Variants in EZH2 observed in about 807,000 individuals in gnomAD.
EZH2 encodes enhancer of zeste 2 polycomb repressive complex 2 subunit, also known as histone-lysine N-methyltransferase EZH2.
In EZH2, 18 loss-of-function variants were observed where a neutral mutation model predicts 98.4. The ratio of observed to expected loss-of-function variants is 0.18; its 90% confidence interval spans 0.13 to 0.27. The LOEUF is 0.27. Among genes scored for constraint, EZH2 ranks in the 10% least tolerant of loss-of-function variants. EZH2 has a pLI of 1.00. For missense variants in EZH2, 470 were observed against 935.1 expected, an observed-to-expected ratio of 0.50 and a Z score of 6.49; for synonymous variants, 338 against 312.3, an observed-to-expected ratio of 1.08 and a Z score of -0.87.
intron 18 of EZH2, 33 bp downstream of exon 18, chr7:148,809,277 G>A: frequency 1.9e-6 from 3 of 1,592,104 alleles, no homozygotes; most frequent in East Asian, 2.3e-5. Flanking sequence ...GGACTGAAAA[G>A]GGAGTTCCAA....
At chr7:148,855,991 TAAC>T (rs1471468124) in intron 1 of EZH2, among the ~76,000 whole-genome samples, 4 of 151,750 alleles carry the variant, frequency 2.6e-5, no homozygotes, top group Middle Eastern at 3.4e-3. Context: ...ATTAAAAAGT[TAAC>T]AACTCAATAT....
At chr7:148,869,538 T>C (rs910087335) in intron 1 of EZH2, among the ~76,000 whole-genome samples, 1 of 151,956 alleles carries the variant, frequency 6.6e-6, no homozygotes, top group Non-Finnish European at 1.5e-5. Flanking sequence ...GGGCCTCACT[T>C]TGTTGTCCAG....
At chr7:148,823,339 C>G (rs1806718456) in intron 8 of EZH2, among the ~76,000 whole-genome samples, 1 of 152,118 alleles carries the variant, frequency 6.6e-6, no homozygotes, top group African/African-American at 2.4e-5. Flanking sequence ...CAAATGGTCA[C>G]CATTAGAGAC....
In EZH2 at chr7:148,809,061, C is replaced by T; in HGVS notation, c.2195+10G>A. ...CCTTAGAGATCATGCTAGAAATGTA[C>T]TTTACCAACCTGTAATCAAAAAACA... On this transcript the variant is annotated intron_variant, in intron 19 of 19. Transcript: ENST00000320356. 1.2e-6 allele frequency: 2 copies of T among 1,612,064 alleles called. No homozygotes were observed. The highest frequency in any genetic ancestry group is 1.1e-5 in the South Asian group (1 of 91,040).
intron 8 of EZH2, among the ~76,000 whole-genome samples, chr7:148,821,326 CTAG>C (rs1806019775): frequency 6.6e-6 from 1 of 151,974 alleles, no homozygotes; most frequent in African/African-American, 2.4e-5. Flanking sequence ...AGTTTAATAC[CTAG>C]AAATACTCAA....
rs557052628 is a variant in EZH2 at position 148,863,672 on chromosome 7, CA to C, written c.-7-16368del. Among the ~76,000 whole-genome samples the C allele has an allele frequency of 2.6e-5, 4 of 151,454 alleles. 1 individual carries two copies. The South Asian group carries it at 8.3e-4, about 32-fold the overall frequency. On this transcript the variant is annotated intron_variant, in intron 1 of 19. Coordinates refer to ENST00000320356, the MANE Select transcript of EZH2 (RefSeq NM_004456.5). ...TCCTTAAATGACTCTATTGTTTTTT[CA>C]AAAAAAGAAAAAAGAATGACAAAAA...
At chr7:148,811,075 TGTTCTCCCTGTTGTCCCTA>T (rs1239539208) in intron 16 of EZH2, among the ~76,000 whole-genome samples, 4 of 152,170 alleles carry the variant, frequency 2.6e-5, no homozygotes, top group Non-Finnish European at 4.4e-5. Context: ...GTAAAGCTCT[TGTTCTCCCTGTTGTCCCTA>T]GACGAGAAAA....
chr7:148,829,505 A>C (rs568527439), intron 5 of EZH2, among the ~76,000 whole-genome samples: 5 of 152,236 alleles, frequency 3.3e-5, no homozygotes, highest in Non-Finnish European at 7.3e-5. Flanking sequence ...CCAACTATGC[A>C]TAATTATCAG....
At chr7:148,829,174 G>A (rs559989158) in intron 5 of EZH2, among the ~76,000 whole-genome samples, 3 of 152,184 alleles carry the variant, frequency 2.0e-5, no homozygotes, top group South Asian at 4.1e-4. Context: ...CCCAAACAAT[G>A]GATCTGTCCT....
At chr7:148,857,726 GGGC>G (rs1817042948) in intron 1 of EZH2, among the ~76,000 whole-genome samples, 1 of 151,924 alleles carries the variant, frequency 6.6e-6, no homozygotes. Context: ...ATTCCAGCCT[GGGC>G]GACAGAGCGA....
At chr7:148,857,052 C>T (rs1816936038) in intron 1 of EZH2, among the ~76,000 whole-genome samples, 1 of 152,222 alleles carries the variant, frequency 6.6e-6, no homozygotes, top group Non-Finnish European at 1.5e-5. Context: ...ATTATGTACT[C>T]CCCGATGTGA....
intron 7 of EZH2, 127 bp downstream of exon 7, chr7:148,827,037 G>A (rs1330035556): frequency 3.0e-6 from 2 of 660,978 alleles, no homozygotes; most frequent in Non-Finnish European, 5.2e-6. Context: ...GTTGCTTCAA[G>A]TATCTTGCAA....
At chr7:148,810,987 T>C (rs1232475168) in intron 16 of EZH2, among the ~76,000 whole-genome samples, 2 of 152,176 alleles carry the variant, frequency 1.3e-5, no homozygotes, top group Non-Finnish European at 1.5e-5. Flanking sequence ...GTCGACAATT[T>C]AAAAGGTGAA....
chr7:148,879,341 A>G (rs1022306189), intron 1 of EZH2, among the ~76,000 whole-genome samples: 1 of 152,172 alleles, frequency 6.6e-6, no homozygotes, highest in African/African-American at 2.4e-5. Flanking sequence ...ACTTGAGGTC[A>G]GGAGTTCCAG....
At chr7:148,811,844 C>T in intron 15 of EZH2, 124 bp from the exon 16 acceptor site, 1 of 762,614 alleles carries the variant, frequency 1.3e-6, no homozygotes, top group South Asian at 1.7e-5. Flanking sequence ...TGTTCTAAGG[C>T]AGTAATTGGG....
At chr7:148,827,756 T>C (rs1266821511) in intron 6 of EZH2, among the ~76,000 whole-genome samples, 1 of 152,244 alleles carries the variant, frequency 6.6e-6, no homozygotes, top group Non-Finnish European at 1.5e-5. Flanking sequence ...CTATTGACTC[T>C]GTTTCTTCCC....
intron 8 of EZH2, among the ~76,000 whole-genome samples, chr7:148,820,296 A>G (rs1015522392): frequency 1.3e-5 from 2 of 152,222 alleles, no homozygotes; most frequent in Non-Finnish European, 2.9e-5. Flanking sequence ...AAATTCCAAA[A>G]TAATGTAACA....
In EZH2 at chr7:148,832,649, T is replaced by C. The variant is rs1809716237; in HGVS notation, c.348A>G (p.Leu116=). The change falls in exon 4 of 20, where the codon CTA becomes CTG. Residue 116 remains leucine (L), a synonymous_variant. Coordinates refer to ENST00000320356, the MANE Select transcript of EZH2 (RefSeq NM_004456.5). ...ATTTACATACCATAAAATTCTGCTG[T>C]AGGGGAGACCAAGAATACATTATGG... ...SVPIMYSWSP[L]QQNFMVEDET... is the part of the protein sequence containing the mutation. 6.3e-7 allele frequency: 1 copy of C among 1,583,948 alleles called. No homozygotes were observed. Among genetic ancestry groups the C allele is most frequent in the Non-Finnish European group, 8.6e-7 (1 of 1,156,904 alleles).
At chr7:148,864,287 A>G (rs1304215980) in intron 1 of EZH2, among the ~76,000 whole-genome samples, 1 of 152,242 alleles carries the variant, frequency 6.6e-6, no homozygotes. Flanking sequence ...AAATGGCCAT[A>G]TAAATTTCAA....
Sources: gnomAD v4.1 joint callset for allele counts (sites outside exome capture counted in the v4.1 genomes callset) on GRCh38, gnomAD v4.1.1 for gene constraint, MANE v1.5 for transcripts, NCBI Gene and HGNC (gene_info 2026-07-23, HGNC 2026-07-21) for gene names.